The following ELOVL7 variants were observed in gnomAD, a reference collection of about 807,000 sequenced individuals.
ELOVL7 encodes ELOVL fatty acid elongase 7, also known as very long chain fatty acid elongase 7.
In ELOVL7, 27 loss-of-function variants were observed where a neutral mutation model predicts 35.7. That is an observed-to-expected ratio of 0.76 (90% CI 0.56 to 1.04). The LOEUF is 1.04. ELOVL7 is among the 50% of genes least tolerant of loss of function. ELOVL7 has a pLI of 0.00. For synonymous variants in ELOVL7, 113 were observed against 114.6 expected (o/e 0.99, Z 0.09); for missense variants, 327 against 340.8 (o/e 0.96, Z 0.32).
chr5:60,773,284 C>CTGTCACTT (rs1230353706), intron 3 of ELOVL7, among the ~76,000 whole-genome samples: 2 of 152,186 alleles, frequency 1.3e-5, no homozygotes, highest in Non-Finnish European at 2.9e-5. Flanking sequence ...ATGCTAACTA[C>CTGTCACTT]TGTCACTTTT....
intron 2 of ELOVL7, among the ~76,000 whole-genome samples, chr5:60,787,975 T>C (rs867408050): frequency 1.3e-5 from 2 of 152,298 alleles, no homozygotes; most frequent in South Asian, 4.1e-4. Flanking sequence ...TTAGTTTATC[T>C]AGACAGATAG....
chr5:60,812,518 A>C (rs1561461164), intron 1 of ELOVL7, among the ~76,000 whole-genome samples: 1 of 152,208 alleles, frequency 6.6e-6, no homozygotes, highest in African/African-American at 2.4e-5. Context: ...GCATATGATA[A>C]TGGAATAAGG....
At chr5:60,800,705 A>G (rs1411862122) in intron 1 of ELOVL7, among the ~76,000 whole-genome samples, 1 of 152,182 alleles carries the variant, frequency 6.6e-6, no homozygotes, top group Admixed American at 6.5e-5. Context: ...GCTTGCAGGT[A>G]GCAACCATCT....
chr5:60,784,074 G>T (rs1022708514), intron 3 of ELOVL7: 1 of 1,097,108 alleles, frequency 9.1e-7, no homozygotes, highest in Non-Finnish European at 1.3e-6. Flanking sequence ...AGAGCATAGG[G>T]AAAGTAGAAT....
At chr5:60,837,326 TG>T (rs1471299589) in intron 1 of ELOVL7, among the ~76,000 whole-genome samples, 2 of 25,048 alleles carry the variant, frequency 8.0e-5, no homozygotes, top group African/African-American at 3.1e-4. Context: ...GGGGGGGGAG[TG>T]GGGGGTGGGG....
At chr5:60,786,022 G>C (rs1341991140) in intron 3 of ELOVL7, 1 of 152,166 alleles carries the variant, frequency 6.6e-6, no homozygotes, top group African/African-American at 2.4e-5. Flanking sequence ...TGGTAGACTT[G>C]CAATTTCTAG....
At chr5:60,779,581 A>T (rs1743113275) in intron 3 of ELOVL7, among the ~76,000 whole-genome samples, 1 of 152,104 alleles carries the variant, frequency 6.6e-6, no homozygotes, top group African/African-American at 2.4e-5. Context: ...GCAGGGCATC[A>T]AGTCCCTAGG....
At chr5:60,784,974 G>A (rs888674523) in intron 3 of ELOVL7, among the ~76,000 whole-genome samples, 5 of 152,152 alleles carry the variant, frequency 3.3e-5, no homozygotes, top group African/African-American at 1.2e-4. Context: ...CGAAACAGCA[G>A]AGCACTTTCA....
intron 3 of ELOVL7, chr5:60,785,995 C>T (rs1278241936): frequency 2.6e-5 from 4 of 152,146 alleles, no homozygotes; most frequent in Admixed American, 2.6e-4. Context: ...AAGAGGTGTG[C>T]ATTTCCTTCC....
intron 1 of ELOVL7, among the ~76,000 whole-genome samples, chr5:60,820,068 C>T (rs1745799036): frequency 6.6e-6 from 1 of 152,192 alleles, no homozygotes; most frequent in South Asian, 2.1e-4. Flanking sequence ...ACTTTGCTGG[C>T]TCTGGGATGG....
At position 60,754,804 on chromosome 5, in the gene ELOVL7, T is replaced by C; in HGVS notation, c.666A>G (p.Ile222Met). The C allele has an allele frequency of 6.2e-7, 1 of 1,614,076 alleles. No individual in the cohort carries two copies. The highest frequency in any genetic ancestry group is 1.1e-5 in the South Asian group (1 of 91,076). The change falls in exon 9 of 9, where the codon ATA becomes ATG. Residue 222 changes from isoleucine to methionine, a missense_variant. Transcript: ENST00000508821. ...LVQFVIVAIH[I>M]SQFFFMEDCK... ...AATCCTCCATGAAAAAGAACTGGCTTATGTGGATGGCGACAATAACAAACT... is the reference window on the plus strand; with the variant it reads ...AATCCTCCATGAAAAAGAACTGGCTCATGTGGATGGCGACAATAACAAACT...
chr5:60,835,989 C>T (rs551673763), intron 1 of ELOVL7, among the ~76,000 whole-genome samples: 1 of 152,090 alleles, frequency 6.6e-6, no homozygotes, highest in East Asian at 1.9e-4. Flanking sequence ...CTGGGCACCA[C>T]CCCATGTGCT....
At chr5:60,813,010 C>T (rs1033313495) in intron 1 of ELOVL7, among the ~76,000 whole-genome samples, 8 of 152,162 alleles carry the variant, frequency 5.3e-5, no homozygotes, top group Non-Finnish European at 7.3e-5. Flanking sequence ...GAACCCTAAC[C>T]TTTCATCCAT....
rs1211291441 is a variant in ELOVL7 at position 60,752,329 on chromosome 5, T to A, written c.*2295A>T. On this transcript the variant is annotated 3_prime_UTR_variant, in exon 9 of 9. Coordinates refer to ENST00000508821, the MANE Select transcript of ELOVL7 (RefSeq NM_024930.3). Reference sequence around the variant, plus strand: ...AATTGAGTATGTGTTTTATTACATGTTAGCTTATAGGCAAGTTAAACATTT... The same window carrying A: ...AATTGAGTATGTGTTTTATTACATGATAGCTTATAGGCAAGTTAAACATTT... 6.6e-6 allele frequency: 1 copy of A among 152,658 alleles called. No homozygotes were observed. Among genetic ancestry groups the A allele is most frequent in the East Asian group, 1.9e-4 (1 of 5,198 alleles). The allele number at this position is 152,658 out of a possible 1,614,324, so 9.5% of individuals were successfully genotyped here.
intron 7 of ELOVL7, among the ~76,000 whole-genome samples, chr5:60,759,385 AAC>A (rs1217239320): frequency 1.3e-5 from 2 of 152,162 alleles, no homozygotes; most frequent in African/African-American, 4.8e-5. Flanking sequence ...GTGGTATAAG[AAC>A]ACCTTTTCTA....
intron 2 of ELOVL7, among the ~76,000 whole-genome samples, chr5:60,790,549 T>C (rs939400236): frequency 2.0e-5 from 3 of 152,174 alleles, no homozygotes; most frequent in Admixed American, 2.0e-4. Flanking sequence ...GCCTCTGTAT[T>C]GATACACCCA....
chr5:60,783,251 C>T lies in ELOVL7; in HGVS notation c.64+4083G>A, dbSNP rs548621178. On this transcript the variant is annotated intron_variant, in intron 3 of 8. Transcript: ENST00000508821. ...TCCAATCTGCTACATTGGTCTTCCA[C>T]GCAATTGTCAAATTCATTTTCTAAA... is the stretch of plus-strand genomic sequence containing the variant. Among the ~76,000 whole-genome samples the T allele has an allele frequency of 1.6e-4, 24 of 152,264 alleles. No individual in the cohort carries two copies. In the South Asian group the frequency reaches 3.5e-3, roughly 22 times the overall value.
intron 1 of ELOVL7, chr5:60,802,484 G>C (rs543547533): frequency 3.3e-5 from 5 of 152,260 alleles, no homozygotes; most frequent in African/African-American, 1.2e-4. Flanking sequence ...GAACGATAAG[G>C]CATCTGGGTC....
At chr5:60,832,644 G>A (rs367783648) in intron 1 of ELOVL7, among the ~76,000 whole-genome samples, 156 of 152,240 alleles carry the variant, frequency 1.0e-3, no homozygotes, top group South Asian at 3.9e-3. Flanking sequence ...GATTACAGGC[G>A]TGCGCCATCG....
Sources: gnomAD v4.1 joint callset for allele counts (sites outside exome capture counted in the v4.1 genomes callset) on GRCh38, gnomAD v4.1.1 for gene constraint, MANE v1.5 for transcripts, NCBI Gene and HGNC (gene_info 2026-07-23, HGNC 2026-07-21) for gene names.